The following XPC variants were observed in gnomAD, a reference collection of about 807,000 sequenced individuals.
XPC encodes the protein XPC complex subunit, DNA damage recognition and repair factor, also known as DNA repair protein complementing XP-C cells.
In XPC, 76 loss-of-function variants were observed where a neutral mutation model predicts 95.8. The ratio of observed to expected loss-of-function variants is 0.79; its 90% CI spans 0.66 to 0.96. The LOEUF (loss-of-function observed/expected upper bound fraction) is 0.96, where lower values mean the gene tolerates loss of function less well. XPC is among the 40% of genes least tolerant of loss of function. XPC has a pLI of 0.00. For missense variants in XPC, 1,146 were observed against 1,179.8 expected (o/e 0.97, Z 0.42); for synonymous variants, 442 against 442.1 (o/e 1.00, Z 0.00).
At position 14,173,019 on chromosome 3, in the gene XPC, G is replaced by T; in HGVS notation, c.147C>A (p.Ser49=). The change falls in exon 2 of 16, where the codon TCC becomes TCA. Residue 49 remains serine, a synonymous_variant. Coordinates refer to ENST00000285021, the MANE Select transcript of XPC (RefSeq NM_004628.5). ...DEKPPKKSLL[S]KVSQGKRKRG... is the part of the protein sequence containing the mutation. ...TTTTCCTCTTTCCTTGTGAAACTTT[G>T]GAGAGAAGGCTCTTCTTTGGGGGTT... The T allele has an allele frequency of 6.2e-7, 1 of 1,608,644 alleles. No homozygotes were observed. The highest frequency in any genetic ancestry group is 1.1e-5 in the South Asian group (1 of 90,152).
chr3:14,156,922 T>G (rs1321376710), intron 9 of XPC, among the ~76,000 whole-genome samples: 1 of 152,192 alleles, frequency 6.6e-6, no homozygotes, highest in Non-Finnish European at 1.5e-5. Context: ...CCCTGCGACT[T>G]TTCTCTTCGT....
At position 14,158,777 on chromosome 3, in the gene XPC, T is replaced by A. The variant is rs1696047204; in HGVS notation, c.1106A>T (p.Glu369Val). 1 of 1,613,860 alleles carries A rather than the reference T, an allele frequency of 6.2e-7. No homozygotes were observed. ...GCAGGTGCCCTTAGCAAAGGTTTCCTCTTGTTTGGTTCCTTTGCTGGTCTT... is the reference window on the plus strand; with the variant it reads ...GCAGGTGCCCTTAGCAAAGGTTTCCACTTGTTTGGTTCCTTTGCTGGTCTT... Reference protein sequence around the residue: ...KPKTSKGTKQEETFAKGTCRP... With the variant: ...KPKTSKGTKQVETFAKGTCRP... The change falls in exon 9 of 16, where the codon GAG (glutamate) becomes GTG (valine). Residue 369 changes from glutamate to valine, a missense_variant. Transcript: ENST00000285021. This position sits in a 1 kb window ranked among gnomAD's most constrained non-coding sequence, Gnocchi z 5.2.
At chr3:14,167,308 C>T in intron 4 of XPC, 55 bp from the exon 5 acceptor site, 1 of 1,470,622 alleles carries the variant, frequency 6.8e-7, no homozygotes, top group Non-Finnish European at 9.3e-7. Flanking sequence ...AACCAGACTC[C>T]ACTCCCCCAG....
At chr3:14,168,896 G>C (rs1436774055) in intron 3 of XPC, among the ~76,000 whole-genome samples, 1 of 152,158 alleles carries the variant, frequency 6.6e-6, no homozygotes. Context: ...CCCCTACGTT[G>C]CTTGTATACA....
At position 14,165,476 on chromosome 3, in the gene XPC, A is replaced by G; in HGVS notation, c.731T>C (p.Val244Ala). 1 of 1,605,212 alleles carries G rather than the reference A, an allele frequency of 6.2e-7. No homozygotes were observed. ...LSIIPARFTR[V>A]LPRDVDTYYL... ...GTAGGTGTCCACATCTCGAGGCAGC[A>G]CTCTGGTAAAGCGGGCTGGGATGAT... Residue 244 changes from valine (V) to alanine (A), a missense_variant, in exon 6 of 16, where the codon GTG becomes GCG. Transcript: ENST00000285021.
chr3:14,165,593 G>A lies in XPC; in HGVS notation c.622-8C>T, dbSNP rs1212379555. On this transcript the variant is annotated splice_region_variant and splice_polypyrimidine_tract_variant and intron_variant, in intron 5 of 15. Transcript: ENST00000285021. ...CAGGCAGAGAAGGTGAACCTGTGAA[G>A]AGGAAAGGAGGAAGGGGCAGCATGG... 3 of 1,612,982 alleles carry A rather than the reference G, an allele frequency of 1.9e-6. No homozygotes were observed. The highest frequency in any genetic ancestry group is 1.7e-5 in the Admixed American group (1 of 59,900).
intron 7 of XPC, 85 bp downstream of exon 7, chr3:14,164,728 A>C: frequency 7.0e-7 from 1 of 1,431,756 alleles, no homozygotes. Context: ...TCGGTAACAC[A>C]CCTGGAATGG....
chr3:14,149,035 C>T, intron 11 of XPC, 87 bp from the exon 12 acceptor site: 1 of 1,565,034 alleles, frequency 6.4e-7, no homozygotes, highest in South Asian at 1.2e-5. Flanking sequence ...TGCCGCATGC[C>T]TGGTACCTGG....
chr3:14,147,595 A>T, intron 14 of XPC: 1 of 612,914 alleles, frequency 1.6e-6, no homozygotes, highest in South Asian at 2.1e-5. Context: ...TTTAATCGTT[A>T]CTGACTCCAA....
In XPC at chr3:14,178,554, G is replaced by A. The variant is rs773629528; in HGVS notation, c.15C>T (p.Arg5=). 6 of 1,612,946 alleles carry A rather than the reference G, an allele frequency of 3.7e-6. No homozygotes were observed. The highest frequency in any genetic ancestry group is 2.2e-5 in the East Asian group (1 of 44,876). Residue 5 remains arginine, a synonymous_variant, in exon 1 of 16, where the codon CGC becomes CGT. Transcript: ENST00000285021. ...GTCCCCGCGGCTCCCCGCCGGCCGCGCGTTTCCGAGCCATGTTGCTTGTCT... is the reference window on the plus strand; with the variant it reads ...GTCCCCGCGGCTCCCCGCCGGCCGCACGTTTCCGAGCCATGTTGCTTGTCT... MARK[R]AAGGEPRGRE...
At chr3:14,157,285 C>T (rs1003184539) in intron 9 of XPC, among the ~76,000 whole-genome samples, 4 of 152,102 alleles carry the variant, frequency 2.6e-5, no homozygotes, top group Non-Finnish European at 4.4e-5. Flanking sequence ...GGATGCATTG[C>T]ACTCCTATAG....
intron 13 of XPC, 90 bp from the exon 14 acceptor site, chr3:14,148,091 A>T: frequency 9.0e-7 from 1 of 1,111,324 alleles, no homozygotes; most frequent in Non-Finnish European, 1.3e-6. Context: ...AGTGGGCCAC[A>T]TCTGAGCACT....
chr3:14,159,941 C>CCAGA lies in XPC; in HGVS notation c.901-115_901-112dup. On this transcript the variant is annotated intron_variant, in intron 7 of 15. Coordinates refer to ENST00000285021, the MANE Select transcript of XPC (RefSeq NM_004628.5). Reference sequence around the variant, plus strand: ...CAAGACAGGGAAAAGCTGGAAACAGCCAGACTGTCTAACAGTAGGCGACGG... The same window carrying CCAGA: ...CAAGACAGGGAAAAGCTGGAAACAGCCAGACAGACTGTCTAACAGTAGGCGACGG... 6 of 1,079,668 alleles carry CCAGA rather than the reference C, an allele frequency of 5.6e-6. No individual in the cohort carries two copies. The South Asian group carries it at 8.5e-5, about 15-fold the overall frequency. The allele number at this position is 1,079,668 out of a possible 1,614,324, so 66.9% of individuals were successfully genotyped here.
intron 6 of XPC, among the ~76,000 whole-genome samples, 181 bp downstream of exon 6, chr3:14,165,247 G>C (rs542340242): frequency 6.6e-6 from 1 of 152,264 alleles, no homozygotes; most frequent in East Asian, 1.9e-4. Flanking sequence ...CTCCCCACCA[G>C]TCTGGCAGCT....
Position 14,145,430 on chromosome 3 carries a change from G to T in XPC, c.*511C>A, listed in dbSNP as rs11544006. On this transcript the variant is annotated 3_prime_UTR_variant, in exon 16 of 16. Coordinates refer to ENST00000285021, the MANE Select transcript of XPC (RefSeq NM_004628.5). The stretch of plus-strand genomic sequence containing the variant: ...CTACTGCAAAGAGGCAGTGAGGGCA[G>T]CATTAGTAAGCCTGACTCAGGGGAA... 1.4e-6 allele frequency: 1 copy of T among 696,926 alleles called. No individual in the cohort carries two copies. Among genetic ancestry groups the T allele is most frequent in the African/African-American group, 1.8e-5 (1 of 57,130 alleles). 43.2% of individuals were successfully genotyped at this position (696,926 alleles called of 1,614,324 possible).
chr3:14,147,421 A>C, intron 14 of XPC, 42 bp from the exon 15 acceptor site: 2 of 1,545,422 alleles, frequency 1.3e-6, no homozygotes, highest in Middle Eastern at 3.4e-4. Context: ...TTAAGCACTG[A>C]CATTTTCAGG....
Position 14,145,154 on chromosome 3 carries a change from A to G in XPC, c.*787T>C. On this transcript the variant is annotated 3_prime_UTR_variant, in exon 16 of 16. Coordinates refer to ENST00000285021, the MANE Select transcript of XPC (RefSeq NM_004628.5). Reference sequence around the variant, plus strand: ...AAAATATAGAGCCAAATCTTTAGATAAATGCTTTATTATTTTCTCAAAATG... The same window carrying G: ...AAAATATAGAGCCAAATCTTTAGATGAATGCTTTATTATTTTCTCAAAATG... 2.0e-6 allele frequency: 1 copy of G among 509,404 alleles called. No individual in the cohort carries two copies. 31.6% of individuals were successfully genotyped at this position (509,404 alleles called of 1,614,324 possible). A position where few individuals can be genotyped will look rare whatever the true frequency, so the allele number is the denominator to read the frequency against.
intron 1 of XPC, among the ~76,000 whole-genome samples, chr3:14,176,248 A>C (rs1424297620): frequency 6.6e-6 from 1 of 152,184 alleles, no homozygotes; most frequent in Non-Finnish European, 1.5e-5. Context: ...TAAAACCGTA[A>C]ATTTTTAATT....
chr3:14,172,125 A>G (rs1281708678), intron 2 of XPC, among the ~76,000 whole-genome samples: 1 of 152,160 alleles, frequency 6.6e-6, no homozygotes, highest in Non-Finnish European at 1.5e-5. Context: ...TGTTCACAAC[A>G]TATTAATATA....
Sources: gnomAD v4.1 joint callset for allele counts (sites outside exome capture counted in the v4.1 genomes callset) on GRCh38, gnomAD v4.1.1 for gene constraint, Gnocchi (gnomAD v3.1) non-coding constraint, MANE v1.5 for transcripts, NCBI Gene and HGNC (gene_info 2026-07-23, HGNC 2026-07-21) for gene names.